Variants in TRABD2B observed in about 807,000 individuals in gnomAD.
The protein encoded by TRABD2B is metalloprotease TIKI2.
TRABD2B carries 14 observed loss-of-function variants against 40.1 expected under a neutral mutation model. The ratio of observed to expected loss-of-function variants is 0.35; its 90% confidence interval spans 0.23 to 0.55. TRABD2B has a LOEUF of 0.55. Ranked by LOEUF, TRABD2B falls within the 20% of genes least tolerant of loss-of-function variation. The pLI, the probability that TRABD2B is intolerant of heterozygous loss-of-function variation, is 0.90. For missense variants in TRABD2B, 541 were observed against 648.6 expected, an observed-to-expected ratio of 0.83 and a Z score of 1.80; for synonymous variants, 263 against 277.0, an observed-to-expected ratio of 0.95 and a Z score of 0.50.
intron 5 of TRABD2B, among the ~76,000 whole-genome samples, chr1:47,775,798 T>G (rs924968091): frequency 1.3e-5 from 2 of 152,264 alleles, no homozygotes; most frequent in East Asian, 3.9e-4. Context: ...CGCTGCTAAC[T>G]GCCGAGGAGC....
chr1:47,855,997 C>T (rs1643886224), intron 2 of TRABD2B, among the ~76,000 whole-genome samples: 1 of 152,204 alleles, frequency 6.6e-6, no homozygotes, highest in South Asian at 2.1e-4. Context: ...ATGCCCCAGA[C>T]CCTGGCCCCT....
intron 2 of TRABD2B, among the ~76,000 whole-genome samples, chr1:47,834,309 CA>C (rs1277084196): frequency 1.3e-5 from 2 of 152,174 alleles, no homozygotes; most frequent in East Asian, 3.8e-4. Context: ...AGAGACTAAC[CA>C]AAAAGCTTTA....
At chr1:47,793,035 C>T (rs973088404) in intron 4 of TRABD2B, among the ~76,000 whole-genome samples, 5 of 152,098 alleles carry the variant, frequency 3.3e-5, no homozygotes, top group African/African-American at 9.7e-5. Flanking sequence ...TGACTCACAC[C>T]GAGCTCCCAG....
chr1:47,899,261 C>T (rs1024456283), intron 2 of TRABD2B, among the ~76,000 whole-genome samples: 2 of 152,318 alleles, frequency 1.3e-5, no homozygotes, highest in Middle Eastern at 3.4e-3. Flanking sequence ...AAGTGGAGTG[C>T]CCTCAACAAC....
At chr1:47,947,564 A>G (rs1042531731) in intron 2 of TRABD2B, among the ~76,000 whole-genome samples, 11 of 152,162 alleles carry the variant, frequency 7.2e-5, no homozygotes, top group Non-Finnish European at 1.3e-4. Context: ...AGTGTACAGG[A>G]AAGAGGTCAA....
At chr1:47,799,355 C>T (rs554305902) in intron 3 of TRABD2B, among the ~76,000 whole-genome samples, 1 of 152,302 alleles carries the variant, frequency 6.6e-6, no homozygotes, top group African/African-American at 2.4e-5. Context: ...AAGGGGGTCA[C>T]TCGTAGGTGA....
chr1:47,920,068 T>C (rs772525029), intron 2 of TRABD2B, among the ~76,000 whole-genome samples: 1 of 152,164 alleles, frequency 6.6e-6, no homozygotes, highest in Admixed American at 6.5e-5. Context: ...TACTTTCTAG[T>C]TGTGTGTGAG....
At chr1:47,979,243 C>T (rs1570407113) in intron 2 of TRABD2B, among the ~76,000 whole-genome samples, 1 of 152,292 alleles carries the variant, frequency 6.6e-6, no homozygotes, top group South Asian at 2.1e-4. Flanking sequence ...GATGTGTAGA[C>T]ATGGTCAATA....
chr1:47,930,705 A>G (rs1306413610), intron 2 of TRABD2B, among the ~76,000 whole-genome samples: 2 of 152,058 alleles, frequency 1.3e-5, no homozygotes, highest in African/African-American at 4.8e-5. Context: ...GAACATCTCA[A>G]GCCTGTGAAT....
intron 2 of TRABD2B, among the ~76,000 whole-genome samples, chr1:47,890,118 C>G (rs1283643332): frequency 6.6e-6 from 1 of 152,244 alleles, no homozygotes; most frequent in East Asian, 1.9e-4. Context: ...CTGCTTTGTA[C>G]ACTGCAGAGT....
chr1:47,797,466 A>G (rs1644763782), intron 3 of TRABD2B, among the ~76,000 whole-genome samples: 1 of 152,202 alleles, frequency 6.6e-6, no homozygotes, highest in African/African-American at 2.4e-5. Context: ...GGGTCCCTGG[A>G]ACCTGAACAC....
At chr1:47,955,241 T>C (rs947278804) in intron 2 of TRABD2B, among the ~76,000 whole-genome samples, 14 of 152,182 alleles carry the variant, frequency 9.2e-5, no homozygotes, top group Non-Finnish European at 1.0e-4. Flanking sequence ...TTCCAGACTA[T>C]AGTTACAACT....
chr1:47,924,198 G>A (rs1644941946), intron 2 of TRABD2B, among the ~76,000 whole-genome samples: 1 of 152,140 alleles, frequency 6.6e-6, no homozygotes, highest in East Asian at 1.9e-4. Context: ...AGGTGGAAAG[G>A]GAGTCACAGT....
At chr1:47,895,730 C>A (rs1478429321) in intron 2 of TRABD2B, among the ~76,000 whole-genome samples, 1 of 152,216 alleles carries the variant, frequency 6.6e-6, no homozygotes, top group East Asian at 1.9e-4. Context: ...AATGACAGTG[C>A]CAGAAAGCCC....
intron 2 of TRABD2B, among the ~76,000 whole-genome samples, chr1:47,880,712 T>C (rs6674741): frequency 0.75 from 114,339 of 152,156 alleles, 43,394 homozygotes; most frequent in East Asian, 0.98. Context: ...GGAGGCCTGC[T>C]TCCTCTGGCA....
chr1:47,971,407 A>G (rs971252844), intron 2 of TRABD2B, among the ~76,000 whole-genome samples: 9 of 152,370 alleles, frequency 5.9e-5, no homozygotes, highest in Non-Finnish European at 1.0e-4. Context: ...GGGTATAGTT[A>G]TAAGTGGAGA....
chr1:47,889,107 A>G (rs1225167581), intron 2 of TRABD2B, among the ~76,000 whole-genome samples: 1 of 152,202 alleles, frequency 6.6e-6, no homozygotes, highest in African/African-American at 2.4e-5. Context: ...ACCACTGAAA[A>G]TGTGGGCCTA....
Position 47,997,253 on chromosome 1 carries a change from G to T in TRABD2B, c.-464C>A. 4.1e-6 allele frequency: 4 copies of T among 980,402 alleles called. No homozygotes were observed. The highest frequency in any genetic ancestry group is 3.6e-6 in the Non-Finnish European group (3 of 826,950). The allele number at this position is 980,402 out of a possible 1,614,324, so 60.7% of individuals were successfully genotyped here. On this transcript the variant is annotated 5_prime_UTR_variant, in exon 1 of 7. Transcript: ENST00000606738. ...CGCAGTGGGACAAGTGCGGCGGAAG[G>T]CGCGGCAGGGGTGGGGGGCGGCTCT...
chr1:47,807,558 G>A (rs1260588252), intron 2 of TRABD2B, among the ~76,000 whole-genome samples: 1 of 152,170 alleles, frequency 6.6e-6, no homozygotes, highest in Non-Finnish European at 1.5e-5. Context: ...CTATGATAAC[G>A]TGACCAGTGA....
Sources: allele counts gnomAD v4.1 joint callset (sites outside exome capture counted in the v4.1 genomes callset), GRCh38; gene constraint gnomAD v4.1.1; transcripts MANE v1.5; gene names NCBI Gene and HGNC (gene_info 2026-07-23, HGNC 2026-07-21).